Variants in AGO2 observed in about 807,000 individuals in gnomAD.
The protein encoded by AGO2 is protein argonaute-2.
A neutral mutation model predicts 102.3 loss-of-function variants in AGO2; 5 were observed. That is an observed-to-expected ratio of 0.05 (90% CI 0.03 to 0.10). The LOEUF (loss-of-function observed/expected upper bound fraction) is 0.10. Ranked by LOEUF, AGO2 falls within the 10% of genes least tolerant of loss-of-function variation. AGO2 has a pLI of 1.00. For missense variants in AGO2, 541 were observed against 1,183.7 expected, an observed-to-expected ratio of 0.46 and a Z score of 7.97; for synonymous variants, 449 against 473.1, an observed-to-expected ratio of 0.95 and a Z score of 0.66.
intron 2 of AGO2, 23 bp from the exon 3 acceptor site, chr8:140,572,955 G>A (rs773664754): frequency 5.0e-6 from 8 of 1,587,008 alleles, no homozygotes; most frequent in African/African-American, 1.4e-5. Context: ...CAAAAGTCGG[G>A]CAAAATGTCA....
intron 1 of AGO2, among the ~76,000 whole-genome samples, chr8:140,587,168 C>G (rs191737728): frequency 1.3e-5 from 2 of 152,222 alleles, no homozygotes; most frequent in Non-Finnish European, 2.9e-5. Context: ...GAGACTACCT[C>G]CTCTGCAACA....
intron 1 of AGO2, among the ~76,000 whole-genome samples, chr8:140,634,391 A>G (rs1377857113): frequency 6.6e-6 from 1 of 152,172 alleles, no homozygotes; most frequent in African/African-American, 2.4e-5. Flanking sequence ...CCGGGTAAAC[A>G]TAAGCCCAGA....
intron 8 of AGO2, 136 bp downstream of exon 8, chr8:140,556,953 C>T (rs1238925948): frequency 7.7e-7 from 1 of 1,297,090 alleles, no homozygotes; most frequent in Non-Finnish European, 1.1e-6. Context: ...CATTAACCCA[C>T]CCGCATTCCT....
intron 2 of AGO2, among the ~76,000 whole-genome samples, chr8:140,577,184 G>A (rs1242119754): frequency 2.2e-5 from 3 of 135,742 alleles, no homozygotes; most frequent in African/African-American, 8.5e-5. Flanking sequence ...CTCCAGCCTG[G>A]GCGACAGAGC....
intron 1 of AGO2, among the ~76,000 whole-genome samples, chr8:140,633,754 A>T (rs1563663385): frequency 6.6e-6 from 1 of 152,176 alleles, no homozygotes; most frequent in Non-Finnish European, 1.5e-5. Flanking sequence ...CGGAAGTCGG[A>T]CCGATTGTCC....
rs1435049396 is a variant in AGO2, at chr8:140,532,588, C to T, written c.2299G>A (p.Val767Ile). Reference protein sequence around the residue: ...QGTSRPSHYHVLWDDNRFSSD... With the variant: ...QGTSRPSHYHILWDDNRFSSD... ...GAGAAACGATTGTCGTCCCAGAGGA[C>T]GTGATAGTGCGAAGGCCTGCTTGTC... The change falls in exon 18 of 19, where the codon GTC (valine) becomes ATC (isoleucine). Residue 767 changes from valine (V) to isoleucine (I), a missense_variant. Physicochemically the swap from Val to Ile is conservative, Grantham distance 29. Transcript: ENST00000220592. 5.0e-6 allele frequency: 8 copies of T among 1,614,226 alleles called. No homozygotes were observed. The highest frequency in any genetic ancestry group is 6.8e-6 in the Non-Finnish European group (8 of 1,180,054).
Position 140,530,951 on chromosome 8 carries a change from C to T in AGO2, c.*1093G>A, listed in dbSNP as rs1389981383. On this transcript the variant is annotated 3_prime_UTR_variant, in exon 19 of 19. Coordinates refer to ENST00000220592, the MANE Select transcript of AGO2 (RefSeq NM_012154.5). ...AGGGTGGCGAGCGGCGCGGAGGGCA[C>T]ATCCGTCCCTCCCATGGGTACACGC... 6.6e-6 allele frequency: 1 copy of T among 152,266 alleles called. No individual in the cohort carries two copies. Among genetic ancestry groups the T allele is most frequent in the East Asian group, 1.9e-4 (1 of 5,188 alleles). The allele number at this position is 152,266 out of a possible 1,614,324, so 9.4% of individuals were successfully genotyped here. A position where few individuals can be genotyped will look rare whatever the true frequency, so the allele number is the denominator to read the frequency against.
At chr8:140,569,452 C>A (rs1422498648) in intron 3 of AGO2, among the ~76,000 whole-genome samples, 1 of 152,242 alleles carries the variant, frequency 6.6e-6, no homozygotes, top group Non-Finnish European at 1.5e-5. Context: ...GCCAAAGCCA[C>A]TTGTCTTTTG....
intron 1 of AGO2, among the ~76,000 whole-genome samples, chr8:140,620,382 T>C (rs2074203541): frequency 1.3e-5 from 2 of 152,232 alleles, no homozygotes. Context: ...GCCACTTTTC[T>C]GTAAGCCTAA....
chr8:140,546,670 G>A (rs1415751651), intron 13 of AGO2, among the ~76,000 whole-genome samples: 1 of 152,238 alleles, frequency 6.6e-6, no homozygotes, highest in Non-Finnish European at 1.5e-5. Context: ...CCACGCCACA[G>A]GGGCTGCCTA....
rs566270546 is a variant in AGO2 at position 140,589,642 on chromosome 8, T to C, written c.23-4331A>G. On this transcript the variant is annotated intron_variant, in intron 1 of 18. Transcript: ENST00000220592. The surrounding 1 kb of genome is among the most constrained non-coding windows in gnomAD (Gnocchi z 4.2). The stretch of plus-strand genomic sequence containing the variant: ...TACACTGGGCATCAGCCAGAAAACG[T>C]GCAGGCCAAAGAAAGTGAGAAGGAT... Among the ~76,000 whole-genome samples, 12 of 152,274 alleles carry C rather than the reference T, an allele frequency of 7.9e-5. No individual in the cohort carries two copies. In the East Asian group the frequency reaches 1.7e-3, roughly 22 times the overall value.
At chr8:140,533,995 T>TGCCA (rs1564071114) in intron 17 of AGO2, among the ~76,000 whole-genome samples, 1 of 152,218 alleles carries the variant, frequency 6.6e-6, no homozygotes, top group Non-Finnish European at 1.5e-5. Flanking sequence ...CTGCTCCACC[T>TGCCA]GCCAGCCTCG....
intron 1 of AGO2, among the ~76,000 whole-genome samples, chr8:140,594,925 C>T (rs546157121): frequency 1.3e-5 from 2 of 151,546 alleles, no homozygotes; most frequent in Admixed American, 6.6e-5. Flanking sequence ...AAGGTATAAA[C>T]GTACATATAC....
At position 140,542,410 on chromosome 8, in the gene AGO2, G is replaced by T. The variant is rs1201797166; in HGVS notation, c.1840-1052C>A. On this transcript the variant is annotated intron_variant, in intron 14 of 18. Transcript: ENST00000220592. ...TTCCACGTCCTTTGTCCTGCCTTGG[G>T]CTATAATTTTTCTCTTAAACCAAGA... Among the ~76,000 whole-genome samples, 5 of 152,134 alleles carry T rather than the reference G, an allele frequency of 3.3e-5. No homozygotes were observed. The East Asian group carries it at 9.7e-4, about 29-fold the overall frequency.
chr8:140,542,064 C>A (rs2072808984), intron 14 of AGO2, among the ~76,000 whole-genome samples: 1 of 152,130 alleles, frequency 6.6e-6, no homozygotes, highest in Admixed American at 6.5e-5. Context: ...CGAAGGCACA[C>A]CAGCCATGCA....
intron 1 of AGO2, among the ~76,000 whole-genome samples, chr8:140,615,326 T>C (rs1224743162): frequency 6.6e-6 from 1 of 152,232 alleles, no homozygotes; most frequent in Non-Finnish European, 1.5e-5. Flanking sequence ...GACAGCCCCC[T>C]GGCCAGGCCT....
intron 3 of AGO2, among the ~76,000 whole-genome samples, chr8:140,569,852 C>T (rs897301981): frequency 1.3e-5 from 2 of 152,112 alleles, no homozygotes; most frequent in African/African-American, 2.4e-5. Flanking sequence ...TTAGGAGCTT[C>T]GTGTGTAAGG....
At position 140,521,651 on chromosome 8, in the gene AGO2, C is replaced by G. The variant is rs577757365; in HGVS notation, c.*10393G>C. 2.6e-5 allele frequency: 4 copies of G among 152,356 alleles called. No individual in the cohort carries two copies. In the South Asian group the frequency reaches 8.3e-4, roughly 32 times the overall value. 9.4% of individuals were successfully genotyped at this position (152,356 alleles called of 1,614,324 possible). A position where few individuals can be genotyped will look rare whatever the true frequency, so the allele number is the denominator to read the frequency against. ...TCTCATTTTCTTACCTGTCAGAAAG[C>G]CTTCCTAACTTACAGGCACACAGGG... On this transcript the variant is annotated 3_prime_UTR_variant, in exon 19 of 19. Transcript: ENST00000220592.
intron 1 of AGO2, among the ~76,000 whole-genome samples, chr8:140,590,195 G>A (rs925186280): frequency 6.6e-5 from 10 of 152,204 alleles, no homozygotes; most frequent in African/African-American, 2.4e-4. Context: ...AGGGATGGCT[G>A]GAGCTGGGTC....
Sources: allele counts gnomAD v4.1 joint callset (sites outside exome capture counted in the v4.1 genomes callset), GRCh38; gene constraint gnomAD v4.1.1; non-coding constraint Gnocchi (gnomAD v3.1); transcripts MANE v1.5; gene names NCBI Gene and HGNC (gene_info 2026-07-23, HGNC 2026-07-21).